NEMP1: variants seen among roughly 807,000 people sequenced by gnomAD.
NEMP1 encodes the protein transmembrane protein 194.
A neutral mutation model predicts 53.7 loss-of-function variants in NEMP1; 29 were observed. The observed-to-expected ratio is 0.54, with a 90% CI of 0.40 to 0.74. The LOEUF (loss-of-function observed/expected upper bound fraction) is 0.74. Ranked by LOEUF, NEMP1 falls within the 30% of genes least tolerant of loss-of-function variation. The pLI is 0.00. For missense variants in NEMP1, 477 were observed against 528.6 expected (o/e 0.90, Z 0.96); for synonymous variants, 193 against 192.9 (o/e 1.00, Z 0.00).
intron 4 of NEMP1, among the ~76,000 whole-genome samples, chr12:57,066,258 AAAAC>A (rs773476386): frequency 3.0e-4 from 46 of 152,294 alleles, no homozygotes; most frequent in African/African-American, 8.7e-4. Context: ...CTGTCTCAAA[AAAAC>A]AAACAAACAA....
upstream of NEMP1, among the ~76,000 whole-genome samples, chr12:57,080,644 CT>C (rs1351437890): frequency 2.0e-5 from 3 of 148,618 alleles, no homozygotes; most frequent in East Asian, 5.9e-4. Flanking sequence ...AATCCCAGCA[CT>C]TTTGGGAGGT....
At chr12:57,064,555 A>ACACATTTT (rs2031979696) in intron 5 of NEMP1, 91 bp downstream of exon 5, 3 of 928,624 alleles carry the variant, frequency 3.2e-6, no homozygotes, top group Non-Finnish European at 5.0e-6. Context: ...AGCCATCAAT[A>ACACATTTT]CACATTTTCA....
rs79322678 is a variant in NEMP1, at chr12:57,059,916, C to T, written c.1298G>A (p.Arg433Gln). The T allele has an allele frequency of 3.2e-3, 5,175 of 1,613,772 alleles. 21 individuals carry two copies. The highest frequency in any genetic ancestry group is 4.4e-3 in the African/African-American group (331 of 74,984). Residue 433 changes from arginine to glutamine, a missense_variant, in exon 9 of 9, where the codon CGG becomes CAG. By Grantham distance (43) the Arg-to-Gln change is conservative. Coordinates refer to ENST00000300128, the MANE Select transcript of NEMP1 (RefSeq NM_001130963.2). ...GTTGTTCTGTGTGATAGCAGGACAC[C>T]GAGAATATGAGTCCTCCTCCTCAGA... is the stretch of plus-strand genomic sequence containing the variant. ...ASSEEEDSYS[R>Q]CPAITQNNFL...
Position 57,056,369 on chromosome 12 carries a change from G to A in NEMP1, c.*3510C>T, listed in dbSNP as rs373641434. ...AATCAATTTCTGCTATGTAGAAAAA[G>A]AAACAAAAGGTTTAGGTGCCTTTGC... On this transcript the variant is annotated 3_prime_UTR_variant, in exon 9 of 9. Coordinates refer to ENST00000300128, the MANE Select transcript of NEMP1 (RefSeq NM_001130963.2). The A allele has an allele frequency of 2.0e-5, 3 of 152,142 alleles. No individual in the cohort carries two copies. 9.4% of individuals were successfully genotyped at this position (152,142 alleles called of 1,614,324 possible).
upstream of NEMP1, among the ~76,000 whole-genome samples, chr12:57,081,127 T>C (rs1403318263): frequency 6.6e-6 from 1 of 152,166 alleles, no homozygotes; most frequent in African/African-American, 2.4e-5. Context: ...CCAAAACCCA[T>C]AACACCACTC....
chr12:57,067,026 T>C (rs1035983571), intron 4 of NEMP1, among the ~76,000 whole-genome samples: 1 of 152,150 alleles, frequency 6.6e-6, no homozygotes, highest in Non-Finnish European at 1.5e-5. Flanking sequence ...TTATCAACAG[T>C]ATGAAAATGA....
chr12:57,085,250 G>A (rs900865519), intron 1 of NEMP1, among the ~76,000 whole-genome samples: 1 of 152,074 alleles, frequency 6.6e-6, no homozygotes, highest in African/African-American at 2.4e-5. Flanking sequence ...CGCCATCAAG[G>A]CTCACTGCAG....
intron 1 of NEMP1, among the ~76,000 whole-genome samples, chr12:57,077,287 T>G (rs78265537): frequency 0.054 from 7,435 of 136,478 alleles, 277 homozygotes; most frequent in African/African-American, 0.12. Flanking sequence ...AGCCGAGATC[T>G]GGCCACTGCA....
In NEMP1 at chr12:57,059,420, T is replaced by C. The variant is rs56190972; in HGVS notation, c.*459A>G. ...AAATCAATAATTATTCTAAAGTCAC[T>C]GAAATAAAAGCTGGAGTGAAGGAGG... On this transcript the variant is annotated 3_prime_UTR_variant, in exon 9 of 9. Transcript: ENST00000300128. The C allele has an allele frequency of 0.051, 7,817 of 153,090 alleles. 264 individuals are homozygous for C. Among genetic ancestry groups the C allele is most frequent in the Non-Finnish European group, 0.078 (5,326 of 68,594 alleles). The allele number at this position is 153,090 out of a possible 1,614,324, so 9.5% of individuals were successfully genotyped here. A position where few individuals can be genotyped will look rare whatever the true frequency, so the allele number is the denominator to read the frequency against.
chr12:57,067,280 C>T (rs1265715164), intron 4 of NEMP1, among the ~76,000 whole-genome samples: 2 of 151,160 alleles, frequency 1.3e-5, no homozygotes, highest in African/African-American at 2.4e-5. Flanking sequence ...GCCGAGATCG[C>T]GTCACTACAC....
At chr12:57,087,087 C>A (rs747805256) in intron 1 of NEMP1, among the ~76,000 whole-genome samples, 16 of 152,216 alleles carry the variant, frequency 1.1e-4, no homozygotes, top group Admixed American at 3.9e-4. Context: ...TTTCTCTTCC[C>A]TCGTCCCTCT....
Position 57,072,830 on chromosome 12 carries a change from A to G in NEMP1, c.210T>C (p.Asn70=). 1 of 1,613,658 alleles carries G rather than the reference A, an allele frequency of 6.2e-7. No homozygotes were observed. Residue 70 remains asparagine, a synonymous_variant, in exon 2 of 9, where the codon AAT becomes AAC. Transcript: ENST00000300128. ...KRASQQFCYT[N]VLIPKWHDIW... is the part of the protein sequence containing the mutation. ...TATCATGCCATTTTGGGATAAGCACATTTGTGTAACAGAATTGTTGGCTGG... is the reference window on the plus strand; with the variant it reads ...TATCATGCCATTTTGGGATAAGCACGTTTGTGTAACAGAATTGTTGGCTGG...
chr12:57,088,512 C>A (rs560062428), upstream of NEMP1, among the ~76,000 whole-genome samples: 11 of 152,372 alleles, frequency 7.2e-5, no homozygotes, highest in African/African-American at 2.4e-4. Flanking sequence ...TCCCGGCTCA[C>A]TGCTAACATT....
At chr12:57,070,143 G>A (rs1486998142) in intron 3 of NEMP1, among the ~76,000 whole-genome samples, 1 of 152,192 alleles carries the variant, frequency 6.6e-6, no homozygotes, top group African/African-American at 2.4e-5. Context: ...CTTCAGAAAA[G>A]AGAAAACTTC....
chr12:57,070,493 T>G (rs1301719653), intron 3 of NEMP1, among the ~76,000 whole-genome samples, 181 bp downstream of exon 3: 1 of 152,226 alleles, frequency 6.6e-6, no homozygotes, highest in Non-Finnish European at 1.5e-5. Context: ...GTTTCAATTC[T>G]AGGCCTGTCT....
At chr12:57,066,285 T>C (rs1229811421) in intron 4 of NEMP1, among the ~76,000 whole-genome samples, 1 of 151,032 alleles carries the variant, frequency 6.6e-6, no homozygotes, top group Admixed American at 6.6e-5. Context: ...AAAAAAAGAG[T>C]TGTATCTGGT....
chr12:57,073,316 T>A (rs1035351308), intron 1 of NEMP1, among the ~76,000 whole-genome samples: 1 of 151,788 alleles, frequency 6.6e-6, no homozygotes, highest in African/African-American at 2.4e-5. Flanking sequence ...CGTGCCCGGC[T>A]AATTTTTTTT....
rs2031733932 is a variant in NEMP1 at position 57,060,198 on chromosome 12, T to G, written c.1155-139A>C. 3 of 785,598 alleles carry G rather than the reference T, an allele frequency of 3.8e-6. 1 individual carries two copies. The highest frequency in any genetic ancestry group is 5.9e-6 in the Non-Finnish European group (3 of 504,684). 48.7% of individuals were successfully genotyped at this position (785,598 alleles called of 1,614,324 possible). A position where few individuals can be genotyped will look rare whatever the true frequency, so the allele number is the denominator to read the frequency against. On this transcript the variant is annotated intron_variant, in intron 8 of 8. Coordinates refer to ENST00000300128, the MANE Select transcript of NEMP1 (RefSeq NM_001130963.2). Reference sequence around the variant, plus strand: ...GTCTAGCCAACATCCTTGTCCTTACTCTGGCAGGTAAGTAGACTAAAGCAT... The same window carrying G: ...GTCTAGCCAACATCCTTGTCCTTACGCTGGCAGGTAAGTAGACTAAAGCAT...
upstream of NEMP1, among the ~76,000 whole-genome samples, chr12:57,079,192 A>G (rs945353146): frequency 6.6e-6 from 1 of 152,144 alleles, no homozygotes; most frequent in Non-Finnish European, 1.5e-5. Flanking sequence ...GACGCCTACA[A>G]TTGAGATCGC....
Sources: gnomAD v4.1 joint callset for allele counts (sites outside exome capture counted in the v4.1 genomes callset) on GRCh38, gnomAD v4.1.1 for gene constraint, MANE v1.5 for transcripts, NCBI Gene and HGNC (gene_info 2026-07-23, HGNC 2026-07-21) for gene names.